Variants in LARP1 observed in about 807,000 individuals in gnomAD.
The protein encoded by LARP1 is la-related protein 1.
Under a neutral mutation model 122.7 loss-of-function variants are expected in LARP1, and 36 were observed. The observed-to-expected ratio is 0.29, with a 90% CI of 0.22 to 0.39. The LOEUF (loss-of-function observed/expected upper bound fraction) is 0.39, where lower values mean the gene tolerates loss of function less well. Ranked by LOEUF, LARP1 falls within the 10% of genes least tolerant of loss-of-function variation. LARP1 has a pLI of 1.00. For missense variants in LARP1, 1,040 were observed against 1,403.6 expected (o/e 0.74, Z 4.14); for synonymous variants, 539 against 528.7 (o/e 1.02, Z -0.27).
intron 1 of LARP1, among the ~76,000 whole-genome samples, chr5:154,700,481 A>G (rs1754659180): frequency 6.6e-6 from 1 of 151,720 alleles, no homozygotes; most frequent in Admixed American, 6.6e-5. Context: ...GCAGTGAGCC[A>G]TGATCGTGCT....
chr5:154,764,890 G>A (rs1754794510), intron 1 of LARP1, among the ~76,000 whole-genome samples: 1 of 145,612 alleles, frequency 6.9e-6, no homozygotes. Context: ...GGGCAACAGA[G>A]CAAGACTCCA....
rs535551378 is a variant in LARP1 at position 154,803,780 on chromosome 5, G to A, written c.2439+35G>A. Reference sequence around the variant, plus strand: ...TCCTGTCGGGCTGCTCAGAGTCTTGGGTCTACTTCATTGCATTCCAGTGCT... The same window carrying A: ...TCCTGTCGGGCTGCTCAGAGTCTTGAGTCTACTTCATTGCATTCCAGTGCT... On this transcript the variant is annotated intron_variant, in intron 13 of 18. Transcript: ENST00000518297. This position sits in a 1 kb window ranked among gnomAD's most constrained non-coding sequence, Gnocchi z 4.4. The A allele has an allele frequency of 6.3e-7, 1 of 1,594,392 alleles. No homozygotes were observed. The highest frequency in any genetic ancestry group is 1.3e-5 in the African/African-American group (1 of 74,590).
At position 154,743,651 on chromosome 5, in the gene LARP1, G is replaced by A. The variant is rs1753029064; in HGVS notation, c.205+30521G>A. Among the ~76,000 whole-genome samples, 5 of 139,656 alleles carry A rather than the reference G, an allele frequency of 3.6e-5. 1 individual carries two copies. In the South Asian group the frequency reaches 6.9e-4, roughly 19 times the overall value. 91.6% of individuals were successfully genotyped at this position (139,656 alleles called of 152,430 possible). On this transcript the variant is annotated intron_variant, in intron 1 of 18. Transcript: ENST00000336314. The stretch of plus-strand genomic sequence containing the variant: ...TTTGTTTGTTTAGAGACAGAGTCTC[G>A]CTCTGTTGCCCAGGCTGGAGTATAG...
At chr5:154,699,405 T>G (rs1165022789) in intron 1 of LARP1, among the ~76,000 whole-genome samples, 1 of 151,992 alleles carries the variant, frequency 6.6e-6, no homozygotes, top group Non-Finnish European at 1.5e-5. Flanking sequence ...TGGTGGCTCA[T>G]GCCTGTAATT....
In LARP1 at chr5:154,793,696, A is replaced by G. The variant is rs759012116; in HGVS notation, c.841A>G (p.Ile281Val). ...CACTCGCCCACCGGAGCCTAGACAC[A>G]TACCTGCCAATCGCGGAGAGATCAA... The part of the protein sequence containing the change: ...RPTRPPEPRH[I>V]PANRGEIKGS... Residue 281 changes from isoleucine (I) to valine (V), a missense_variant, in exon 5 of 19, where the codon ATA becomes GTA. Ile to Val is a conservative substitution (Grantham distance 29). Coordinates refer to ENST00000518297, the MANE Select transcript of LARP1 (RefSeq NM_033551.3). 2.4e-5 allele frequency: 38 copies of G among 1,614,104 alleles called. No individual in the cohort carries two copies. In the South Asian group the frequency reaches 3.5e-4, roughly 15 times the overall value.
At chr5:154,795,939 ATATT>A (rs1199846748) in intron 8 of LARP1, among the ~76,000 whole-genome samples, 2 of 119,100 alleles carry the variant, frequency 1.7e-5, no homozygotes, top group East Asian at 4.1e-4. Context: ...TATATATTAT[ATATT>A]TATATATTAT....
chr5:154,799,657 A>G lies in LARP1; in HGVS notation c.1444A>G (p.Lys482Glu), dbSNP rs1249545926. ...AGTTCGTAGGAGGGAGGAACCAGAA[A>G]AGTGGCCTCTTCCCCCAATAGTGGA... ...EKVRRREEPE[K>E]WPLPPIVDYS... Residue 482 changes from lysine to glutamate, a missense_variant, in exon 9 of 19, where the codon AAG (lysine) becomes GAG (glutamate). Around this residue, in one of 8 missense-constraint regions of LARP1, gnomAD observed 362 missense variants for 533.1 expected, o/e 0.68. Coordinates refer to ENST00000518297, the MANE Select transcript of LARP1 (RefSeq NM_033551.3). The G allele has an allele frequency of 5.6e-6, 9 of 1,614,092 alleles. No individual in the cohort carries two copies. Among genetic ancestry groups the G allele is most frequent in the Non-Finnish European group, 7.6e-6 (9 of 1,180,040 alleles).
At chr5:154,689,189 C>T (rs1754077155) in intron 1 of LARP1, among the ~76,000 whole-genome samples, 1 of 152,048 alleles carries the variant, frequency 6.6e-6, no homozygotes, top group East Asian at 1.9e-4. Flanking sequence ...TGCGGTGGCT[C>T]ACGCCTGTAA....
intron 1 of LARP1, chr5:154,718,833 G>A (rs971749683): frequency 3.9e-5 from 6 of 152,218 alleles, no homozygotes; most frequent in African/African-American, 1.4e-4. Context: ...GTCTGTTGTG[G>A]GCATGGCAAG....
intron 1 of LARP1, among the ~76,000 whole-genome samples, chr5:154,774,215 A>G (rs1025180399): frequency 1.3e-5 from 2 of 152,210 alleles, no homozygotes; most frequent in African/African-American, 4.8e-5. Flanking sequence ...CTCAGATGAA[A>G]GGGACCAGAG....
In LARP1 at chr5:154,816,114, G is replaced by A. The variant is rs926498036; in HGVS notation, c.*2018G>A. ...TTGCCCTCCCAGTGGTTGGTATGTG[G>A]GAAGCCCATCTCAGTTCCTGTGACT... On this transcript the variant is annotated 3_prime_UTR_variant, in exon 19 of 19. Coordinates refer to ENST00000518297, the MANE Select transcript of LARP1 (RefSeq NM_033551.3). The A allele has an allele frequency of 1.3e-5, 2 of 152,588 alleles. No individual in the cohort carries two copies. The highest frequency in any genetic ancestry group is 2.4e-5 in the African/African-American group (1 of 41,410). 9.5% of individuals were successfully genotyped at this position (152,588 alleles called of 1,614,324 possible). A position where few individuals can be genotyped will look rare whatever the true frequency, so the allele number is the denominator to read the frequency against.
chr5:154,752,546 GACTTC>G (rs1753557124), upstream of LARP1, among the ~76,000 whole-genome samples: 1 of 152,064 alleles, frequency 6.6e-6, no homozygotes, highest in Non-Finnish European at 1.5e-5. Flanking sequence ...CCCGGCCTTG[GACTTC>G]ACTTTTCTGA....
chr5:154,698,329 G>A (rs1462114499), intron 1 of LARP1, among the ~76,000 whole-genome samples: 1 of 152,198 alleles, frequency 6.6e-6, no homozygotes, highest in African/African-American at 2.4e-5. Flanking sequence ...GGGCACTGTG[G>A]CTCACGCCTG....
chr5:154,756,141 T>C lies in LARP1; in HGVS notation c.384T>C (p.Thr128=), dbSNP rs1160936960. ...CCCCGCCCAAGGTGAACCCGTGGAC[T>C]AAGAACGCATTGCCGCCGGTCCTGA... The part of the protein sequence containing the change: ...EAPPPKVNPW[T]KNALPPVLTT... Residue 128 remains threonine (T), a synonymous_variant, in exon 1 of 19, where the codon ACT becomes ACC. Coordinates refer to ENST00000518297, the MANE Select transcript of LARP1 (RefSeq NM_033551.3). 7.6e-7 allele frequency: 1 copy of C among 1,314,304 alleles called. No individual in the cohort carries two copies. The highest frequency in any genetic ancestry group is 1.0e-6 in the Non-Finnish European group (1 of 998,260). The allele number at this position is 1,314,304 out of a possible 1,614,324, so 81.4% of individuals were successfully genotyped here.
At chr5:154,776,917 G>A (rs1299108086) in intron 1 of LARP1, among the ~76,000 whole-genome samples, 2 of 152,188 alleles carry the variant, frequency 1.3e-5, no homozygotes, top group Non-Finnish European at 2.9e-5. Flanking sequence ...AGTAATTTAA[G>A]TGTTTAATAC....
upstream of LARP1, among the ~76,000 whole-genome samples, chr5:154,710,555 G>A (rs1262895315): frequency 1.3e-5 from 2 of 151,808 alleles, no homozygotes; most frequent in Non-Finnish European, 2.9e-5. Context: ...CAGCCTGACC[G>A]ACATGGTGAA....
At chr5:154,796,118 A>G (rs1482212592) in intron 8 of LARP1, among the ~76,000 whole-genome samples, 2 of 109,214 alleles carry the variant, frequency 1.8e-5, no homozygotes, top group African/African-American at 9.4e-5. Flanking sequence ...TATAGTATAT[A>G]TATTATATAT....
rs1355178683 is a variant in LARP1 at position 154,802,004 on chromosome 5, T to C, written c.1717-3T>C. 1 of 1,605,812 alleles carries C rather than the reference T, an allele frequency of 6.2e-7. No individual in the cohort carries two copies. The highest frequency in any genetic ancestry group is 8.5e-7 in the Non-Finnish European group (1 of 1,175,758). ...CTTTTCCCCTTCGTCTGTCCTATTT[T>C]AGAAGTCAGAGGAGTCCAGATTTTC... On this transcript the variant is annotated splice_polypyrimidine_tract_variant and splice_region_variant and intron_variant, in intron 10 of 18. Transcript: ENST00000518297. This position sits in a 1 kb window ranked among gnomAD's most constrained non-coding sequence, Gnocchi z 5.1.
intron 14 of LARP1, chr5:154,804,736 C>T (rs1281180928): frequency 4.4e-6 from 2 of 456,022 alleles, no homozygotes; most frequent in Non-Finnish European, 8.8e-6. Context: ...GACCCTGCTT[C>T]TTGGGGTAGG....
Sources: allele counts gnomAD v4.1 joint callset (sites outside exome capture counted in the v4.1 genomes callset), GRCh38; gene constraint gnomAD v4.1.1; regional missense constraint gnomAD v4.1.1; non-coding constraint Gnocchi (gnomAD v3.1); transcripts MANE v1.5; gene names NCBI Gene and HGNC (gene_info 2026-07-23, HGNC 2026-07-21).